Variants in ABCB1 observed in about 807,000 individuals in gnomAD.
The protein encoded by ABCB1 is ATP binding cassette subfamily B member 1, also known as ATP-dependent translocase ABCB1.
Under a neutral mutation model 142.0 loss-of-function variants are expected in ABCB1, and 69 were observed. That is an observed-to-expected ratio of 0.49 (90% CI 0.40 to 0.59). ABCB1 has a LOEUF of 0.59. ABCB1 is among the 20% of genes least tolerant of loss of function. The probability of loss-of-function intolerance (pLI) is 0.00; values close to 1 mark genes in which losing one functional copy is unlikely to be tolerated. For synonymous variants in ABCB1, 532 were observed against 539.2 expected (o/e 0.99, Z 0.18); for missense variants, 1,326 against 1,554.7 (o/e 0.85, Z 2.47).
intron 1 of ABCB1, among the ~76,000 whole-genome samples, chr7:87,684,262 A>C (rs1222067129): frequency 6.6e-6 from 1 of 152,186 alleles, no homozygotes; most frequent in East Asian, 1.9e-4. Context: ...AGTTCTTTTC[A>C]TATTGTTTTA....
At chr7:87,520,632 T>C (rs1225673610) in intron 22 of ABCB1, 144 bp downstream of exon 22, 2 of 743,238 alleles carry the variant, frequency 2.7e-6, no homozygotes, top group African/African-American at 3.5e-5. Flanking sequence ...CTCTCCTGCA[T>C]AATTACAACT....
rs959894030 is a variant in ABCB1 at position 87,626,288 on chromosome 7, A to G, written c.-330-25210T>C. Among the ~76,000 whole-genome samples, 308 of 48,446 alleles carry G rather than the reference A, an allele frequency of 6.4e-3. 11 individuals carry two copies. Among genetic ancestry groups the G allele is most frequent in the African/African-American group, 8.1e-3 (79 of 9,706 alleles). The allele number at this position is 48,446 out of a possible 152,430, so 31.8% of individuals were successfully genotyped here. On this transcript the variant is annotated intron_variant, in intron 1 of 28. Transcript: ENST00000265724. ...CATATATGTGTCATATATATGTGTCATATATGTGTCATATATATGTGTCGT... is the reference window on the plus strand; with the variant it reads ...CATATATGTGTCATATATATGTGTCGTATATGTGTCATATATATGTGTCGT...
intron 1 of ABCB1, among the ~76,000 whole-genome samples, chr7:87,676,269 G>A (rs548107033): frequency 3.3e-5 from 5 of 151,948 alleles, no homozygotes; most frequent in Admixed American, 6.6e-5. Context: ...GCAAAGCAAA[G>A]GAAACAATCC....
intron 3 of ABCB1, among the ~76,000 whole-genome samples, 175 bp from the exon 4 acceptor site, chr7:87,585,855 T>C (rs577349885): frequency 1.3e-5 from 2 of 152,332 alleles, no homozygotes; most frequent in South Asian, 2.1e-4. Flanking sequence ...TAATTAGAAA[T>C]GGACATTTGA....
rs1159432273 is a variant in ABCB1, at chr7:87,554,005, G to A, written c.828-73C>T. ...GTCGATATAGCATGATAGTTACAGA[G>A]TGGCTAGGATGTGTTCAGTCCTGTG... is the stretch of plus-strand genomic sequence containing the variant. On this transcript the variant is annotated intron_variant, in intron 8 of 27. Transcript: ENST00000622132. 4 of 1,427,056 alleles carry A rather than the reference G, an allele frequency of 2.8e-6. No homozygotes were observed. In the African/African-American group the frequency reaches 4.2e-5, roughly 15 times the overall value. 88.4% of individuals were successfully genotyped at this position (1,427,056 alleles called of 1,614,324 possible).
At chr7:87,561,773 C>A (rs1288193252) in intron 7 of ABCB1, among the ~76,000 whole-genome samples, 1 of 152,138 alleles carries the variant, frequency 6.6e-6, no homozygotes, top group Non-Finnish European at 1.5e-5. Context: ...ATTGCTTGAG[C>A]CCAGGAATTC....
intron 1 of ABCB1, among the ~76,000 whole-genome samples, chr7:87,694,662 C>T (rs551498083): frequency 8.5e-5 from 13 of 152,188 alleles, no homozygotes; most frequent in African/African-American, 2.2e-4. Flanking sequence ...TTCAGGAGTA[C>T]GCATTTATGT....
intron 1 of ABCB1, among the ~76,000 whole-genome samples, chr7:87,600,523 C>T (rs1390236621): frequency 6.6e-6 from 1 of 152,330 alleles, no homozygotes; most frequent in East Asian, 1.9e-4. Context: ...CCGCACCGCG[C>T]GGGCTGTGCG....
intron 1 of ABCB1, among the ~76,000 whole-genome samples, chr7:87,678,284 G>T (rs1483295838): frequency 2.0e-5 from 3 of 152,142 alleles, no homozygotes; most frequent in African/African-American, 4.8e-5. Context: ...AAAATTTATG[G>T]CATTGCTGGG....
At chr7:87,523,688 T>C (rs946813678) in intron 21 of ABCB1, among the ~76,000 whole-genome samples, 2 of 152,144 alleles carry the variant, frequency 1.3e-5, no homozygotes, top group African/African-American at 2.4e-5. Flanking sequence ...GCAATCTGAT[T>C]AGGAAACATA....
chr7:87,549,758 T>G (rs769086997), intron 13 of ABCB1, 93 bp downstream of exon 13: 95 of 1,473,984 alleles, frequency 6.4e-5, no homozygotes, highest in Non-Finnish European at 8.5e-5. Context: ...ATTTCCCTTC[T>G]TCCGATTTAT....
chr7:87,548,207 AAAGG>A (rs1816887343), intron 14 of ABCB1, among the ~76,000 whole-genome samples: 1 of 109,832 alleles, frequency 9.1e-6, no homozygotes, highest in South Asian at 4.0e-4. Context: ...AAGGGAAGGG[AAAGG>A]AAGGGAAGGG....
intron 1 of ABCB1, among the ~76,000 whole-genome samples, chr7:87,627,373 G>C (rs1432735855): frequency 6.6e-6 from 1 of 152,182 alleles, no homozygotes; most frequent in Non-Finnish European, 1.5e-5. Flanking sequence ...GGATTTTGGA[G>C]CCACTGAAGC....
intron 1 of ABCB1, among the ~76,000 whole-genome samples, chr7:87,639,994 A>G (rs1052839146): frequency 6.6e-6 from 1 of 150,482 alleles, no homozygotes; most frequent in African/African-American, 2.4e-5. Context: ...CATTTATTCC[A>G]TGATTCCAGT....
At chr7:87,506,907 G>A (rs911951311) in intron 26 of ABCB1, among the ~76,000 whole-genome samples, 3 of 152,334 alleles carry the variant, frequency 2.0e-5, no homozygotes, top group African/African-American at 7.2e-5. Flanking sequence ...ATGAGGTTTT[G>A]GCAGATGCTT....
At chr7:87,555,672 C>T (rs544902928) in intron 8 of ABCB1, among the ~76,000 whole-genome samples, 31 of 152,250 alleles carry the variant, frequency 2.0e-4, no homozygotes, top group African/African-American at 7.5e-4. Flanking sequence ...TGCCAGTTAT[C>T]ATCTGAACAG....
chr7:87,575,594 T>C (rs866806464), intron 4 of ABCB1, among the ~76,000 whole-genome samples: 15 of 152,326 alleles, frequency 9.8e-5, no homozygotes, highest in African/African-American at 3.1e-4. Context: ...CTACTCTTCT[T>C]GTGCAGAAAG....
chr7:87,599,984 C>A, intron 2 of ABCB1, 133 bp downstream of exon 2: 1 of 888,148 alleles, frequency 1.1e-6, no homozygotes, highest in African/African-American at 1.7e-5. Flanking sequence ...GATATTGATT[C>A]CAAAGGCTAG....
intron 1 of ABCB1, among the ~76,000 whole-genome samples, chr7:87,673,479 A>G (rs1826032042): frequency 6.6e-6 from 1 of 152,120 alleles, no homozygotes; most frequent in Admixed American, 6.5e-5. Flanking sequence ...AAGCATTGAG[A>G]TTCTTTCCTC....
Sources: allele counts gnomAD v4.1 joint callset (sites outside exome capture counted in the v4.1 genomes callset), GRCh38; gene constraint gnomAD v4.1.1; transcripts MANE v1.5; gene names NCBI Gene and HGNC (gene_info 2026-07-23, HGNC 2026-07-21).